The following PNPLA4 variants were observed in gnomAD, a reference collection of about 807,000 sequenced individuals.
The protein encoded by PNPLA4 is patatin like domain 4, phospholipase and triacylglycerol lipase.
Under a neutral mutation model 18.3 loss-of-function variants are expected in PNPLA4, and 15 were observed. The ratio of observed to expected loss-of-function variants is 0.82; its 90% confidence interval spans 0.55 to 1.26. The LOEUF (loss-of-function observed/expected upper bound fraction) is 1.26, where lower values mean the gene tolerates loss of function less well. Among genes scored for constraint, PNPLA4 ranks in the 50% most tolerant of loss-of-function variants. The pLI is 0.00. For missense variants in PNPLA4, 229 were observed against 196.8 expected (o/e 1.16, Z -0.98); for synonymous variants, 88 against 85.6 (o/e 1.03, Z -0.16).
intron 4 of PNPLA4, among the ~76,000 whole-genome samples, chrX:7,916,863 G>A (rs1240482735): frequency 8.9e-6 from 1 of 111,829 alleles, no homozygotes; most frequent in Non-Finnish European, 1.9e-5. Context: ...GGGGCCTCCT[G>A]GGGCTCTGGT....
chrX:7,923,742 TC>T (rs1466125590), intron 2 of PNPLA4, among the ~76,000 whole-genome samples: 1 of 111,264 alleles, frequency 9.0e-6, no homozygotes, highest in African/African-American at 3.3e-5. Flanking sequence ...CTGAAATGTG[TC>T]CCTATGGCGA....
Position 7,925,963 on chromosome X carries a change from G to A in PNPLA4, c.157C>T (p.Leu53=). 8.3e-7 allele frequency: 1 copy of A among 1,210,273 alleles called. No homozygotes were observed. The highest frequency in any genetic ancestry group is 1.1e-6 in the Non-Finnish European group (1 of 894,576). ...ACCTCTATTTTTTCTGGTGCTGTTA[G>A]CAGAACAGAAGCAACCAACGATCCC... ...SAGSLVASVL[L]TAPEKIEECN... The change falls in exon 2 of 7, where the codon CTA becomes TTA. Residue 53 remains leucine, a synonymous_variant. Transcript: ENST00000381042.
chrX:7,908,697 A>G (rs1214368005), intron 5 of PNPLA4, among the ~76,000 whole-genome samples: 5 of 112,099 alleles, frequency 4.5e-5, no homozygotes, highest in Admixed American at 3.8e-4. Flanking sequence ...ACTCCATTAA[A>G]CAACAGAGGA....
intron 5 of PNPLA4, 74 bp from the exon 6 acceptor site, chrX:7,902,215 T>C: frequency 1.0e-6 from 1 of 968,701 alleles, no homozygotes; most frequent in Non-Finnish European, 1.4e-6. Flanking sequence ...CTTCTAATAA[T>C]ATGTGTGCCT....
chrX:7,922,578 G>A (rs1390827894), intron 2 of PNPLA4, among the ~76,000 whole-genome samples: 1 of 111,816 alleles, frequency 8.9e-6, no homozygotes, highest in Non-Finnish European at 1.9e-5. Flanking sequence ...TTCATCTTGG[G>A]CACTGGTATT....
chrX:7,901,325 T>C (rs977071145), intron 6 of PNPLA4, among the ~76,000 whole-genome samples: 3 of 112,218 alleles, frequency 2.7e-5, no homozygotes, highest in Non-Finnish European at 5.6e-5. Context: ...CTGAGGCCTG[T>C]AATCCCAGCA....
chrX:7,921,628 G>C (rs1924218188), intron 4 of PNPLA4, 85 bp downstream of exon 4: 2 of 834,934 alleles, frequency 2.4e-6, no homozygotes, highest in Admixed American at 4.6e-5. Context: ...AGGATCTAAA[G>C]AACGTGGTAA....
intron 5 of PNPLA4, 71 bp from the exon 6 acceptor site, chrX:7,902,212 T>A: frequency 1.0e-6 from 1 of 991,034 alleles, no homozygotes; most frequent in Non-Finnish European, 1.4e-6. Flanking sequence ...CAGCTTCTAA[T>A]AATATGTGTG....
intron 5 of PNPLA4, among the ~76,000 whole-genome samples, chrX:7,908,145 G>A (rs868585999): frequency 9.0e-6 from 1 of 111,251 alleles, no homozygotes. Context: ...AGTAATACCC[G>A]CAATGTAGAA....
At chrX:7,923,258 A>G (rs1377519723) in intron 2 of PNPLA4, among the ~76,000 whole-genome samples, 1 of 111,644 alleles carries the variant, frequency 9.0e-6, no homozygotes, top group African/African-American at 3.3e-5. Flanking sequence ...TATCATCACA[A>G]GGTTTCTTGT....
chrX:7,925,738 C>G (rs757102765), intron 2 of PNPLA4, among the ~76,000 whole-genome samples: 6 of 112,326 alleles, frequency 5.3e-5, no homozygotes, highest in Admixed American at 4.7e-4. Flanking sequence ...TTCCTTATTT[C>G]ACTATCACCC....
intron 2 of PNPLA4, among the ~76,000 whole-genome samples, chrX:7,924,028 T>G (rs1924316067): frequency 9.0e-6 from 1 of 111,705 alleles, no homozygotes; most frequent in African/African-American, 3.3e-5. Context: ...GCCTATTTCT[T>G]TGTACTAATA....
At chrX:7,906,565 T>A (rs1222661651) in intron 5 of PNPLA4, among the ~76,000 whole-genome samples, 1 of 112,077 alleles carries the variant, frequency 8.9e-6, no homozygotes, top group East Asian at 2.8e-4. Context: ...AAACAGACAG[T>A]GCAAAAAAAT....
intron 5 of PNPLA4, among the ~76,000 whole-genome samples, chrX:7,903,721 T>C (rs1182125761): frequency 2.7e-5 from 3 of 112,126 alleles, no homozygotes; most frequent in Non-Finnish European, 5.6e-5. Context: ...TAAAAATGGG[T>C]TGAAAATTCC....
intron 5 of PNPLA4, among the ~76,000 whole-genome samples, chrX:7,905,212 A>G (rs1002085632): frequency 6.2e-5 from 7 of 112,728 alleles, no homozygotes; most frequent in African/African-American, 2.3e-4. Flanking sequence ...TGAAAACTGG[A>G]ATTAATAGAA....
chrX:7,924,352 G>A (rs943020396), intron 2 of PNPLA4, among the ~76,000 whole-genome samples: 11 of 111,798 alleles, frequency 9.8e-5, no homozygotes, highest in Non-Finnish European at 1.5e-4. Flanking sequence ...GAGCGAACAC[G>A]AATCTGAGTA....
intron 4 of PNPLA4, among the ~76,000 whole-genome samples, chrX:7,921,400 A>C (rs374049408): frequency 1.8e-5 from 2 of 112,209 alleles, no homozygotes; most frequent in East Asian, 2.8e-4. Flanking sequence ...TAGCCACATA[A>C]ATTTCAGGAA....
intron 4 of PNPLA4, among the ~76,000 whole-genome samples, chrX:7,918,319 G>A (rs1322651193): frequency 8.9e-6 from 1 of 111,816 alleles, no homozygotes; most frequent in Non-Finnish European, 1.9e-5. Flanking sequence ...TGAAAGGCAC[G>A]TTTTACATGG....
chrX:7,921,785 T>C lies in PNPLA4; in HGVS notation c.339A>G (p.Val113=). 8.3e-7 allele frequency: 1 copy of C among 1,206,867 alleles called. No homozygotes were observed. The highest frequency in any genetic ancestry group is 1.1e-6 in the Non-Finnish European group (1 of 891,116). ...AHELAQNRLH[V]SITNAKTREN... is the part of the protein sequence containing the mutation. The stretch of plus-strand genomic sequence containing the variant: ...CTCTGGTTTTGGCGTTGGTGATGGA[T>C]ACGTGCAGTCGGTTCTGGGCCAGCT... The change falls in exon 4 of 7, where the codon GTA becomes GTG. Residue 113 remains valine, a synonymous_variant. Transcript: ENST00000381042.
Sources: allele counts gnomAD v4.1 joint callset (sites outside exome capture counted in the v4.1 genomes callset), GRCh38; gene constraint gnomAD v4.1.1; transcripts MANE v1.5; gene names NCBI Gene and HGNC (gene_info 2026-07-23, HGNC 2026-07-21).